SLC6A11: variants seen among roughly 807,000 people sequenced by gnomAD.
SLC6A11 encodes sodium- and chloride-dependent GABA transporter 3.
Under a neutral mutation model 74.8 loss-of-function variants are expected in SLC6A11, and 25 were observed. The observed-to-expected ratio is 0.33, with a 90% CI of 0.24 to 0.47. The LOEUF is 0.47. Ranked by LOEUF, SLC6A11 falls within the 20% of genes least tolerant of loss-of-function variation. The pLI is 1.00. For missense variants in SLC6A11, 574 were observed against 837.0 expected (o/e 0.69, Z 3.88); for synonymous variants, 330 against 330.2 (o/e 1.00, Z 0.01).
chr3:10,910,230 C>A (rs1004603481), intron 6 of SLC6A11, among the ~76,000 whole-genome samples: 1 of 152,176 alleles, frequency 6.6e-6, no homozygotes, highest in Non-Finnish European at 1.5e-5. Flanking sequence ...TTTTAATAGG[C>A]AATTTGTTGA....
chr3:10,918,515 A>G lies in SLC6A11; in HGVS notation c.1120+62A>G. ...AGGGAGGCCAGGAGTGATGGTCATC[A>G]TGGAAATGCGATCTTCCTCCTCGGC... is the stretch of plus-strand genomic sequence containing the variant. On this transcript the variant is annotated intron_variant, in intron 8 of 13. Coordinates refer to ENST00000254488, the MANE Select transcript of SLC6A11 (RefSeq NM_014229.3). The surrounding 1 kb of genome is among the most constrained non-coding windows in gnomAD (Gnocchi z 4.5). 2 of 1,545,976 alleles carry G rather than the reference A, an allele frequency of 1.3e-6. No individual in the cohort carries two copies. The highest frequency in any genetic ancestry group is 1.2e-5 in the South Asian group (1 of 82,146).
chr3:10,834,744 T>C (rs911187248), intron 4 of SLC6A11, among the ~76,000 whole-genome samples: 4 of 152,140 alleles, frequency 2.6e-5, no homozygotes, highest in Non-Finnish European at 5.9e-5. Context: ...CACTTAGGAA[T>C]TGGGACCCTG....
intron 5 of SLC6A11, among the ~76,000 whole-genome samples, chr3:10,860,583 AAGG>A (rs1428350889): frequency 2.4e-4 from 37 of 152,282 alleles, no homozygotes; most frequent in Admixed American, 1.9e-3. Flanking sequence ...AAGGCGGGAG[AAGG>A]AGGGCAAGGG....
intron 6 of SLC6A11, among the ~76,000 whole-genome samples, chr3:10,875,349 T>C (rs1694895305): frequency 6.6e-6 from 1 of 152,254 alleles, no homozygotes; most frequent in South Asian, 2.1e-4. Flanking sequence ...ACGAGGACAT[T>C]ACATAGCCAG....
Position 10,938,552 on chromosome 3 carries a change from C to A in SLC6A11, c.*150C>A. 1 of 740,192 alleles carries A rather than the reference C, an allele frequency of 1.4e-6. No homozygotes were observed. 45.9% of individuals were successfully genotyped at this position (740,192 alleles called of 1,614,324 possible). On this transcript the variant is annotated 3_prime_UTR_variant, in exon 14 of 14. Transcript: ENST00000254488. ...TTAATTTTAAGGTGGCCACTGTACACTGCTCTAAAGTCATATCCCCTCCCC... is the reference window on the plus strand; with the variant it reads ...TTAATTTTAAGGTGGCCACTGTACAATGCTCTAAAGTCATATCCCCTCCCC...
intron 6 of SLC6A11, among the ~76,000 whole-genome samples, chr3:10,888,890 AAATT>A (rs1695075431): frequency 6.6e-6 from 1 of 152,174 alleles, no homozygotes; most frequent in African/African-American, 2.4e-5. Context: ...TTTGCTTTTT[AAATT>A]AATCAGGAGA....
chr3:10,840,513 C>T (rs1694423974), intron 4 of SLC6A11, among the ~76,000 whole-genome samples: 1 of 152,238 alleles, frequency 6.6e-6, no homozygotes, highest in African/African-American at 2.4e-5. Flanking sequence ...CCAGGCTTAG[C>T]TCTGTGTCTG....
intron 5 of SLC6A11, among the ~76,000 whole-genome samples, chr3:10,856,378 G>T (rs878951726): frequency 1.3e-5 from 2 of 152,362 alleles, no homozygotes; most frequent in Admixed American, 1.3e-4. Context: ...TTCCTGCTGA[G>T]CTGAGGCACA....
At chr3:10,899,248 G>T (rs968469028) in intron 6 of SLC6A11, among the ~76,000 whole-genome samples, 3 of 152,120 alleles carry the variant, frequency 2.0e-5, no homozygotes, top group African/African-American at 7.2e-5. Context: ...AGCCACATGA[G>T]CTCATCCCAG....
intron 6 of SLC6A11, among the ~76,000 whole-genome samples, chr3:10,893,422 A>T (rs1405707592): frequency 6.6e-6 from 1 of 152,160 alleles, no homozygotes; most frequent in East Asian, 1.9e-4. Flanking sequence ...GATGGATAAT[A>T]TCAGGAGTTC....
At chr3:10,896,803 A>G (rs1394183080) in intron 6 of SLC6A11, among the ~76,000 whole-genome samples, 1 of 152,182 alleles carries the variant, frequency 6.6e-6, no homozygotes, top group Admixed American at 6.5e-5. Flanking sequence ...GGGGGCATAG[A>G]CCCACTAACA....
At chr3:10,856,478 C>T (rs145428840) in intron 5 of SLC6A11, among the ~76,000 whole-genome samples, 248 of 152,280 alleles carry the variant, frequency 1.6e-3, no homozygotes, top group East Asian at 6.8e-3. Flanking sequence ...GACTGTCAGG[C>T]GAGTGTTGGC....
intron 4 of SLC6A11, among the ~76,000 whole-genome samples, chr3:10,830,137 G>T (rs1694275738): frequency 6.6e-6 from 1 of 152,170 alleles, no homozygotes; most frequent in African/African-American, 2.4e-5. Flanking sequence ...TGAGGCTGGG[G>T]AACCCTGGAT....
At chr3:10,927,708 G>T (rs1695627763) in intron 9 of SLC6A11, among the ~76,000 whole-genome samples, 1 of 152,130 alleles carries the variant, frequency 6.6e-6, no homozygotes. Flanking sequence ...CATAGCCTGG[G>T]CTTGAGTCCC....
At chr3:10,922,663 T>A (rs1000845752) in intron 8 of SLC6A11, among the ~76,000 whole-genome samples, 6 of 152,164 alleles carry the variant, frequency 3.9e-5, no homozygotes, top group African/African-American at 1.4e-4. Flanking sequence ...TCATTTTTTT[T>A]ATTAGCTCTG....
At chr3:10,880,346 C>T (rs192877823) in intron 6 of SLC6A11, among the ~76,000 whole-genome samples, 1 of 152,242 alleles carries the variant, frequency 6.6e-6, no homozygotes, top group Non-Finnish European at 1.5e-5. Flanking sequence ...CAAATTGCAC[C>T]ACGAAGAAAA....
In SLC6A11 at chr3:10,816,334, G is replaced by A. The variant is rs1451289375; in HGVS notation, c.69G>A (p.Ala23=). The A allele has an allele frequency of 5.7e-6, 8 of 1,415,074 alleles. No individual in the cohort carries two copies. In the African/African-American group the frequency reaches 9.1e-5, roughly 16 times the overall value. The allele number at this position is 1,415,074 out of a possible 1,614,324, so 87.7% of individuals were successfully genotyped here. A position where few individuals can be genotyped will look rare whatever the true frequency, so the allele number is the denominator to read the frequency against. ...KAAEEARESE[A]PGGGCSSGGA... ...CTGAGGAGGCGCGGGAGTCCGAGGC[G>A]CCGGGTGGCGGCTGCAGCAGCGGGG... The change falls in exon 1 of 14, where the codon GCG becomes GCA. Residue 23 remains alanine (A), a synonymous_variant. Transcript: ENST00000254488. This position sits in a 1 kb window ranked among gnomAD's most constrained non-coding sequence, Gnocchi z 4.2.
At chr3:10,846,511 C>CT (rs1694505287) in intron 5 of SLC6A11, among the ~76,000 whole-genome samples, 1 of 152,170 alleles carries the variant, frequency 6.6e-6, no homozygotes, top group East Asian at 1.9e-4. Flanking sequence ...AGGCTCCAGG[C>CT]TGTGGGCTAC....
At chr3:10,932,715 A>C (rs1695706180) in intron 10 of SLC6A11, among the ~76,000 whole-genome samples, 1 of 152,156 alleles carries the variant, frequency 6.6e-6, no homozygotes, top group South Asian at 2.1e-4. Context: ...GGGTCACTTT[A>C]AACTACCACG....
Sources: gnomAD v4.1 joint callset for allele counts (sites outside exome capture counted in the v4.1 genomes callset) on GRCh38, gnomAD v4.1.1 for gene constraint, Gnocchi (gnomAD v3.1) non-coding constraint, MANE v1.5 for transcripts, NCBI Gene and HGNC (gene_info 2026-07-23, HGNC 2026-07-21) for gene names.